The following IL1RAPL1 variants were observed in gnomAD, a reference collection of about 807,000 sequenced individuals.
IL1RAPL1 encodes the protein interleukin 1 receptor accessory protein like 1.
A neutral mutation model predicts 48.4 loss-of-function variants in IL1RAPL1; 3 were observed. The observed-to-expected ratio is 0.06, with a 90% CI of 0.03 to 0.16. IL1RAPL1 has a LOEUF of 0.16. Among genes scored for constraint, IL1RAPL1 ranks in the 10% least tolerant of loss-of-function variants. IL1RAPL1 has a pLI of 1.00. For synonymous variants in IL1RAPL1, 185 were observed against 187.7 expected (o/e 0.99, Z 0.12); for missense variants, 349 against 530.6 (o/e 0.66, Z 3.36).
intron 1 of IL1RAPL1, among the ~76,000 whole-genome samples, chrX:28,680,144 G>A (rs987162515): frequency 3.6e-5 from 4 of 111,018 alleles, no homozygotes; most frequent in African/African-American, 6.5e-5. Context: ...CCTAATCAAT[G>A]TTTTAAATTT....
chrX:29,211,027 A>G (rs1222767176), intron 2 of IL1RAPL1, among the ~76,000 whole-genome samples: 2 of 111,304 alleles, frequency 1.8e-5, no homozygotes, highest in Admixed American at 9.7e-5. Flanking sequence ...GCTGTATTCT[A>G]TCTTCTAACA....
chrX:28,754,384 C>A (rs527762522), intron 1 of IL1RAPL1, among the ~76,000 whole-genome samples: 3 of 112,321 alleles, frequency 2.7e-5, no homozygotes, highest in African/African-American at 9.7e-5. Context: ...CATCTGAAAT[C>A]TTGAAAGGGG....
At chrX:29,285,085 C>T (rs1297544283) in intron 3 of IL1RAPL1, among the ~76,000 whole-genome samples, 3 of 111,682 alleles carry the variant, frequency 2.7e-5, no homozygotes, top group Non-Finnish European at 5.6e-5. Flanking sequence ...GTTGGATGTC[C>T]ATAGTATAAT....
At position 28,817,864 on chromosome X, in the gene IL1RAPL1, G is replaced by A. The variant is rs143110022; in HGVS notation, c.82+28439G>A. ...TGAATGATGGATGTGTCACTTACTG[G>A]CAAGCTCTTTTCTGTTTTGATGGGG... On this transcript the variant is annotated intron_variant, in intron 2 of 10. Coordinates refer to ENST00000378993, the MANE Select transcript of IL1RAPL1 (RefSeq NM_014271.4). Among the ~76,000 whole-genome samples the A allele has an allele frequency of 5.7e-3, 633 of 110,634 alleles. 2 individuals are homozygous for A. The highest frequency in any genetic ancestry group is 0.01 in the Non-Finnish European group (537 of 52,592).
chrX:29,805,414 T>A (rs1930231630), intron 6 of IL1RAPL1, among the ~76,000 whole-genome samples: 1 of 107,432 alleles, frequency 9.3e-6, no homozygotes, highest in African/African-American at 3.5e-5. Flanking sequence ...CACACACACA[T>A]GCACGCACAC....
chrX:29,388,681 A>C (rs976083614), intron 3 of IL1RAPL1, among the ~76,000 whole-genome samples: 5 of 112,241 alleles, frequency 4.5e-5, no homozygotes, highest in Non-Finnish European at 9.4e-5. Flanking sequence ...CCAGATACAA[A>C]AGGCTACATT....
At chrX:28,694,458 A>C (rs1935209945) in intron 1 of IL1RAPL1, among the ~76,000 whole-genome samples, 1 of 111,721 alleles carries the variant, frequency 9.0e-6, no homozygotes, top group Non-Finnish European at 1.9e-5. Flanking sequence ...GCTACCTTCT[A>C]ATTGAAGAAA....
intron 6 of IL1RAPL1, among the ~76,000 whole-genome samples, chrX:29,694,614 G>C (rs767487528): frequency 9.0e-6 from 1 of 111,581 alleles, no homozygotes; most frequent in South Asian, 3.8e-4. Flanking sequence ...GGTGGATTCA[G>C]TGTCTGTTGA....
chrX:29,754,507 G>C (rs1928564254), intron 6 of IL1RAPL1, among the ~76,000 whole-genome samples: 1 of 111,809 alleles, frequency 8.9e-6, no homozygotes, highest in African/African-American at 3.3e-5. Context: ...CTATAATCCA[G>C]CTTCCCAAGT....
chrX:29,436,538 C>T (rs1934483975), intron 5 of IL1RAPL1, among the ~76,000 whole-genome samples: 1 of 109,613 alleles, frequency 9.1e-6, no homozygotes. Flanking sequence ...ATAATAATTC[C>T]CATACTCCCC....
At chrX:29,645,356 G>A (rs183625893) in intron 5 of IL1RAPL1, among the ~76,000 whole-genome samples, 1 of 111,477 alleles carries the variant, frequency 9.0e-6, no homozygotes, top group African/African-American at 3.3e-5. Flanking sequence ...AAGAAAAGAC[G>A]CATCAAAGAG....
chrX:28,978,000 C>A (rs148405096), intron 2 of IL1RAPL1, among the ~76,000 whole-genome samples: 1 of 112,033 alleles, frequency 8.9e-6, no homozygotes, highest in African/African-American at 3.2e-5. Flanking sequence ...AAAAAGTGAA[C>A]GCGTTTCAGT....
At chrX:29,588,931 C>T (rs1179788238) in intron 5 of IL1RAPL1, among the ~76,000 whole-genome samples, 1 of 111,935 alleles carries the variant, frequency 8.9e-6, no homozygotes, top group East Asian at 2.8e-4. Flanking sequence ...GCAAGCCGTG[C>T]TCCAGATCCT....
chrX:28,973,678 G>A lies in IL1RAPL1; in HGVS notation c.82+184253G>A, dbSNP rs1925137276. ...TTTGGATATTTCTTTGTTTATTACA[G>A]ATATTAAACTTGTAAATTTAATGAT... On this transcript the variant is annotated intron_variant, in intron 2 of 10. Coordinates refer to ENST00000378993, the MANE Select transcript of IL1RAPL1 (RefSeq NM_014271.4). Among the ~76,000 whole-genome samples the A allele has an allele frequency of 3.6e-5, 4 of 111,768 alleles. No individual in the cohort carries two copies. In the Admixed American group the frequency reaches 3.8e-4, roughly 11 times the overall value.
intron 6 of IL1RAPL1, among the ~76,000 whole-genome samples, chrX:29,870,234 T>A (rs1931772753): frequency 9.0e-6 from 1 of 111,184 alleles, no homozygotes; most frequent in African/African-American, 3.3e-5. Flanking sequence ...AAGAAAAAAA[T>A]TAAATGATTA....
intron 4 of IL1RAPL1, among the ~76,000 whole-genome samples, chrX:29,396,838 C>T (rs1380014768): frequency 1.8e-5 from 2 of 111,513 alleles, no homozygotes; most frequent in Admixed American, 1.9e-4. Context: ...AGGATAAAAT[C>T]GTATACTAGT....
At chrX:29,304,662 A>G (rs1341616087) in intron 3 of IL1RAPL1, among the ~76,000 whole-genome samples, 1 of 112,642 alleles carries the variant, frequency 8.9e-6, no homozygotes, top group Admixed American at 9.4e-5. Flanking sequence ...ATGATGGTAT[A>G]TGGGAGTTGT....
intron 2 of IL1RAPL1, among the ~76,000 whole-genome samples, chrX:28,929,697 C>T (rs1923831276): frequency 8.9e-6 from 1 of 111,946 alleles, no homozygotes; most frequent in Admixed American, 9.5e-5. Flanking sequence ...TTTTGAAGCT[C>T]ATATGGTTTG....
At chrX:29,310,461 A>G (rs973044513) in intron 3 of IL1RAPL1, among the ~76,000 whole-genome samples, 1 of 111,845 alleles carries the variant, frequency 8.9e-6, no homozygotes, top group Non-Finnish European at 1.9e-5. Context: ...CTGACTAATG[A>G]GACAGCATGG....
Sources: allele counts gnomAD v4.1 joint callset (sites outside exome capture counted in the v4.1 genomes callset), GRCh38; gene constraint gnomAD v4.1.1; transcripts MANE v1.5; gene names NCBI Gene and HGNC (gene_info 2026-07-23, HGNC 2026-07-21).